Variants in RNF130 observed in about 807,000 individuals in gnomAD.
The protein encoded by RNF130 is ring finger protein 130.
A neutral mutation model predicts 44.6 loss-of-function variants in RNF130; 21 were observed. That is an observed-to-expected ratio of 0.47 (90% confidence interval 0.33 to 0.68). The LOEUF is 0.68. Ranked by LOEUF, RNF130 falls within the 30% of genes least tolerant of loss-of-function variation. RNF130 has a pLI of 0.02. For synonymous variants in RNF130, 214 were observed against 210.4 expected (o/e 1.02, Z -0.15); for missense variants, 479 against 560.6 (o/e 0.85, Z 1.47).
intron 1 of RNF130, among the ~76,000 whole-genome samples, chr5:180,054,272 G>A (rs1184771543): frequency 6.6e-6 from 1 of 152,004 alleles, no homozygotes; most frequent in African/African-American, 2.4e-5. Context: ...CTTTGTCCTA[G>A]GATTTGCAAA....
intron 7 of RNF130, among the ~76,000 whole-genome samples, chr5:179,928,175 T>C (rs1443145566): frequency 1.3e-5 from 2 of 152,170 alleles, no homozygotes; most frequent in Non-Finnish European, 2.9e-5. Flanking sequence ...TTATCTTTTG[T>C]ACACATGGAC....
chr5:179,961,693 G>A (rs1169094504), intron 8 of RNF130, among the ~76,000 whole-genome samples: 7 of 152,140 alleles, frequency 4.6e-5, no homozygotes, highest in Admixed American at 4.6e-4. Flanking sequence ...TGCCTGATGG[G>A]TTAGCATGGG....
Position 179,990,265 on chromosome 5 carries a change from G to GTCAC in RNF130, c.694-10069_694-10066dup, listed in dbSNP as rs755151354. ...TCCAGTGACTGATAAGGTCACGTGA[G>GTCAC]TCACATGTCCACTGGACAGGGGGCC... is the stretch of plus-strand genomic sequence containing the variant. On this transcript the variant is annotated intron_variant, in intron 3 of 8. Coordinates refer to ENST00000521389, the MANE Select transcript of RNF130 (RefSeq NM_018434.6). Among the ~76,000 whole-genome samples the GTCAC allele has an allele frequency of 2.0e-5, 3 of 152,366 alleles. No homozygotes were observed. The East Asian group carries it at 5.8e-4, about 29-fold the overall frequency.
chr5:179,965,758 G>A (rs1762428129), intron 7 of RNF130, among the ~76,000 whole-genome samples: 1 of 152,150 alleles, frequency 6.6e-6, no homozygotes. Context: ...GCTGAATGAA[G>A]CCTCCCTGAG....
At chr5:179,946,554 ATTTTTTT>A (rs397701505) in intron 7 of RNF130, among the ~76,000 whole-genome samples, 3 of 140,706 alleles carry the variant, frequency 2.1e-5, no homozygotes, top group African/African-American at 7.8e-5. Flanking sequence ...CCCACCGGGG[ATTTTTTT>A]TTTTTTTTTT....
At chr5:179,932,641 C>T (rs934268826) in intron 7 of RNF130, among the ~76,000 whole-genome samples, 18 of 151,856 alleles carry the variant, frequency 1.2e-4, no homozygotes, top group Non-Finnish European at 2.1e-4. Flanking sequence ...AGATCAAGAC[C>T]AGCCTGGCCA....
intron 7 of RNF130, among the ~76,000 whole-genome samples, chr5:179,947,312 T>C (rs1762056203): frequency 6.6e-6 from 1 of 152,208 alleles, no homozygotes; most frequent in South Asian, 2.1e-4. Flanking sequence ...GTAAAGTCCG[T>C]GCCCTGTAAC....
chr5:180,015,737 A>AAAAGGAGTAGGG (rs1312614270), intron 2 of RNF130, among the ~76,000 whole-genome samples: 3 of 13,858 alleles, frequency 2.2e-4, no homozygotes, highest in African/African-American at 9.1e-4. Flanking sequence ...AAGGAGTAGG[A>AAAAGGAGTAGGG]AAAGGAGTAG....
In RNF130 at chr5:179,926,411, C is replaced by T. The variant is rs368096539; in HGVS notation, c.1151-5985G>A. On this transcript the variant is annotated intron_variant, in intron 7 of 7. Coordinates refer to the RNF130 transcript ENST00000522208. The stretch of plus-strand genomic sequence containing the variant: ...CTATAATCCCAGCACTTTGGGAGGC[C>T]GAGGCAGGCGGATCACCTGAGATCA... Among the ~76,000 whole-genome samples the T allele has an allele frequency of 3.0e-4, 46 of 152,130 alleles. No homozygotes were observed. The East Asian group carries it at 4.1e-3, about 13-fold the overall frequency.
At chr5:180,007,344 T>C (rs781268475) in intron 3 of RNF130, among the ~76,000 whole-genome samples, 1 of 152,180 alleles carries the variant, frequency 6.6e-6, no homozygotes, top group Non-Finnish European at 1.5e-5. Flanking sequence ...GAGGTTGCAG[T>C]GAGCCAAGAT....
chr5:180,064,634 T>C (rs533952108), intron 1 of RNF130, among the ~76,000 whole-genome samples: 1 of 152,374 alleles, frequency 6.6e-6, no homozygotes, highest in East Asian at 1.9e-4. Flanking sequence ...TTCCTCTGTT[T>C]TTAAACCTTT....
intron 7 of RNF130, among the ~76,000 whole-genome samples, chr5:179,937,074 T>C (rs1263866739): frequency 6.9e-6 from 1 of 145,916 alleles, no homozygotes. Flanking sequence ...AAGCAACCAA[T>C]GAAAAAACAG....
At chr5:179,998,857 TTTTATATA>T (rs915359894) in intron 3 of RNF130, among the ~76,000 whole-genome samples, 654 of 65,240 alleles carry the variant, frequency 0.01, 63 homozygotes, top group Middle Eastern at 0.026. Context: ...ATCTAGTATT[TTTTATATA>T]TATATATATA....
chr5:179,980,339 T>C (rs2113718446), intron 3 of RNF130, 139 bp from the exon 4 acceptor site: 1 of 706,496 alleles, frequency 1.4e-6, no homozygotes, highest in Non-Finnish European at 2.3e-6. Flanking sequence ...AATGATAAAA[T>C]AGAAAAAATG....
intron 3 of RNF130, among the ~76,000 whole-genome samples, chr5:179,999,514 G>A (rs774986272): frequency 2.6e-5 from 4 of 151,882 alleles, no homozygotes; most frequent in South Asian, 4.2e-4. Context: ...CTGAGGTCAG[G>A]ATTTCGAGAT....
chr5:179,930,150 C>G (rs547798293), intron 7 of RNF130, among the ~76,000 whole-genome samples: 10 of 152,220 alleles, frequency 6.6e-5, no homozygotes, highest in Admixed American at 1.3e-4. Context: ...CTCTGCCCCC[C>G]GGGTTCAAGC....
chr5:179,916,919 T>C (rs1302162236), exon 8 of RNF130: 2 of 152,484 alleles, frequency 1.3e-5, no homozygotes, highest in Admixed American at 6.6e-5. Flanking sequence ...TGGCCAGGCG[T>C]GGTGGCTCAT....
chr5:179,939,597 T>G (rs1483342835), intron 7 of RNF130: 1 of 402,236 alleles, frequency 2.5e-6, no homozygotes, highest in Non-Finnish European at 4.9e-6. Flanking sequence ...TAGAAGTTGA[T>G]ATAGATTTGA....
In RNF130 at chr5:179,966,800, A is replaced by G. The variant is rs764269484; in HGVS notation, c.1150+6T>C. ...GCCCTGTGCCTGAGCGGAGGCCCCC[A>G]CTTACTTGTTACTGCAATGTTGATT... On this transcript the variant is annotated splice_donor_region_variant and intron_variant, in intron 7 of 8. Transcript: ENST00000521389. The G allele has an allele frequency of 6.2e-7, 1 of 1,611,834 alleles. No individual in the cohort carries two copies. The highest frequency in any genetic ancestry group is 1.1e-5 in the South Asian group (1 of 90,650).
Sources: allele counts gnomAD v4.1 joint callset (sites outside exome capture counted in the v4.1 genomes callset), GRCh38; gene constraint gnomAD v4.1.1; transcripts MANE v1.5; gene names NCBI Gene and HGNC (gene_info 2026-07-23, HGNC 2026-07-21).